The following OTOGL variants were observed in gnomAD, a reference collection of about 807,000 sequenced individuals.
OTOGL encodes otogelin like.
OTOGL carries 285 observed loss-of-function variants against 318.5 expected under a neutral mutation model. That is an observed-to-expected ratio of 0.89 (90% CI 0.81 to 0.99). The LOEUF (loss-of-function observed/expected upper bound fraction) is 0.99, where lower values mean the gene tolerates loss of function less well. Among genes scored for constraint, OTOGL ranks in the 50% least tolerant of loss-of-function variants. OTOGL has a pLI of 0.00. For missense variants in OTOGL, 2,899 were observed against 2,845.6 expected (o/e 1.02, Z -0.43); for synonymous variants, 987 against 936.5 (o/e 1.05, Z -0.99).
chr12:80,310,582 T>G, intron 29 of OTOGL, 29 bp from the exon 30 acceptor site: 1 of 1,490,360 alleles, frequency 6.7e-7, no homozygotes, highest in Non-Finnish European at 9.2e-7. Flanking sequence ...CTTTGAAAAC[T>G]TCTTTTCTCT....
At chr12:80,113,747 G>A (rs919185305) in intron 1 of OTOGL, among the ~76,000 whole-genome samples, 8 of 152,126 alleles carry the variant, frequency 5.3e-5, no homozygotes, top group African/African-American at 1.9e-4. Flanking sequence ...TTGTGTGGGA[G>A]TCTAAGTCTC....
intron 17 of OTOGL, among the ~76,000 whole-genome samples, chr12:80,257,009 A>T (rs1376449684): frequency 6.6e-6 from 1 of 152,042 alleles, no homozygotes; most frequent in Non-Finnish European, 1.5e-5. Context: ...GAATGTCTGG[A>T]TGTAGGTAAG....
intron 1 of OTOGL, among the ~76,000 whole-genome samples, chr12:80,104,568 T>G (rs1035610264): frequency 2.0e-5 from 3 of 151,984 alleles, no homozygotes; most frequent in African/African-American, 7.3e-5. Context: ...GTCATTGTCT[T>G]CCTTATTTTC....
In OTOGL at chr12:80,356,548, G is replaced by A. The variant is rs186545135; in HGVS notation, c.5911+28G>A. The A allele has an allele frequency of 1.7e-5, 25 of 1,495,434 alleles. No homozygotes were observed. In the African/African-American group the frequency reaches 3.2e-4, roughly 19 times the overall value. 92.6% of individuals were successfully genotyped at this position (1,495,434 alleles called of 1,614,324 possible). ...AAGTAATCAATATAGAAAATTAAGA[G>A]TGAGGTTCATTGTTCATTCAGAACA... On this transcript the variant is annotated intron_variant, in intron 48 of 58. Coordinates refer to ENST00000547103, the MANE Select transcript of OTOGL (RefSeq NM_001378609.3).
chr12:80,104,336 C>T (rs1211094005), intron 1 of OTOGL, among the ~76,000 whole-genome samples: 1 of 152,204 alleles, frequency 6.6e-6, no homozygotes, highest in South Asian at 2.1e-4. Context: ...ATACCTCAAG[C>T]TTTTCCATTT....
chr12:80,113,347 G>A (rs946229824), intron 1 of OTOGL, among the ~76,000 whole-genome samples: 2 of 151,974 alleles, frequency 1.3e-5, no homozygotes, highest in Admixed American at 6.6e-5. Context: ...TGATGTTAGG[G>A]TGTCAATTTT....
intron 5 of OTOGL, among the ~76,000 whole-genome samples, chr12:80,218,414 G>A (rs1279748597): frequency 1.3e-5 from 2 of 152,202 alleles, no homozygotes; most frequent in African/African-American, 2.4e-5. Flanking sequence ...GAATCATAAA[G>A]GTTTTTGAAT....
chr12:80,284,800 T>C (rs1467673629), intron 26 of OTOGL, among the ~76,000 whole-genome samples: 1 of 152,186 alleles, frequency 6.6e-6, no homozygotes, highest in African/African-American at 2.4e-5. Context: ...GATGGATAGA[T>C]TGCAAAAATT....
chr12:80,313,720 G>A, intron 31 of OTOGL, 88 bp downstream of exon 31: 1 of 1,142,916 alleles, frequency 8.7e-7, no homozygotes, highest in South Asian at 1.9e-5. Context: ...ATAATGCCAG[G>A]AGACTCATGG....
chr12:80,184,659 G>A (rs1875162041), intron 1 of OTOGL, among the ~76,000 whole-genome samples: 1 of 152,156 alleles, frequency 6.6e-6, no homozygotes, highest in Non-Finnish European at 1.5e-5. Flanking sequence ...GTTGCCCATA[G>A]TGCTGGAGTC....
chr12:80,283,804 T>C (rs1250308448), intron 26 of OTOGL, among the ~76,000 whole-genome samples: 5 of 152,050 alleles, frequency 3.3e-5, no homozygotes, highest in East Asian at 1.9e-4. Context: ...CTAGGAATAT[T>C]GTTAAAATAT....
chr12:80,307,251 C>T (rs1284259263), intron 29 of OTOGL, among the ~76,000 whole-genome samples: 1 of 102,896 alleles, frequency 9.7e-6, no homozygotes, highest in East Asian at 5.9e-4. Flanking sequence ...CAATCTTTTC[C>T]CCACCTTTCC....
chr12:80,366,702 TTAA>T (rs1890565204), intron 53 of OTOGL, 65 bp downstream of exon 53: 1 of 612,224 alleles, frequency 1.6e-6, no homozygotes, highest in South Asian at 4.5e-5. Flanking sequence ...TTTTTCACTA[TTAA>T]TAAGTTAAAA....
At chr12:80,121,605 A>C (rs1280026706) in intron 1 of OTOGL, among the ~76,000 whole-genome samples, 1 of 152,190 alleles carries the variant, frequency 6.6e-6, no homozygotes, top group Non-Finnish European at 1.5e-5. Flanking sequence ...CCATAATAGC[A>C]GTTTTGATTA....
At position 80,328,573 on chromosome 12, in the gene OTOGL, A is replaced by C. The variant is rs1436205937; in HGVS notation, c.4200-92A>C. 1.2e-4 allele frequency: 111 copies of C among 952,718 alleles called. 1 individual carries two copies. Among genetic ancestry groups the C allele is most frequent in the Non-Finnish European group, 1.7e-4 (108 of 619,746 alleles). The allele number at this position is 952,718 out of a possible 1,614,324, so 59.0% of individuals were successfully genotyped here. ...GGTATATAGAAGCATTTTAGGAAGA[A>C]TATATCTTAGTCGCATATGTTAAAT... On this transcript the variant is annotated intron_variant, in intron 35 of 58. Coordinates refer to ENST00000547103, the MANE Select transcript of OTOGL (RefSeq NM_001378609.3).
chr12:80,229,513 C>T, intron 8 of OTOGL, 135 bp downstream of exon 8: 1 of 1,244,394 alleles, frequency 8.0e-7, no homozygotes. Context: ...CTATAACATA[C>T]AGACATCAAA....
intron 1 of OTOGL, among the ~76,000 whole-genome samples, chr12:80,171,369 C>T (rs1302815654): frequency 6.6e-6 from 1 of 152,158 alleles, no homozygotes; most frequent in African/African-American, 2.4e-5. Flanking sequence ...CATGAGCTAC[C>T]ACTCCTGGAT....
chr12:80,244,943 T>C (rs1285096201), intron 11 of OTOGL, among the ~76,000 whole-genome samples: 12 of 148,744 alleles, frequency 8.1e-5, no homozygotes, highest in Non-Finnish European at 1.6e-4. Flanking sequence ...TTTCATGTGT[T>C]TTTTGGCTGC....
At chr12:80,239,967 G>A (rs1880231924) in intron 11 of OTOGL, among the ~76,000 whole-genome samples, 1 of 152,048 alleles carries the variant, frequency 6.6e-6, no homozygotes, top group Admixed American at 6.6e-5. Context: ...ACATATGAGT[G>A]AGAATGTGTG....
Sources: allele counts gnomAD v4.1 joint callset (sites outside exome capture counted in the v4.1 genomes callset), GRCh38; gene constraint gnomAD v4.1.1; transcripts MANE v1.5; gene names NCBI Gene and HGNC (gene_info 2026-07-23, HGNC 2026-07-21).